MDGA2: variants seen among roughly 807,000 people sequenced by gnomAD.
The protein encoded by MDGA2 is MAM domain-containing glycosylphosphatidylinositol anchor protein 2.
Under a neutral mutation model 117.8 loss-of-function variants are expected in MDGA2, and 40 were observed. The ratio of observed to expected loss-of-function variants is 0.34; its 90% CI spans 0.26 to 0.44. The LOEUF (loss-of-function observed/expected upper bound fraction) is 0.44, where lower values mean the gene tolerates loss of function less well. Among genes scored for constraint, MDGA2 ranks in the 20% least tolerant of loss-of-function variants. MDGA2 has a pLI of 1.00. For synonymous variants in MDGA2, 452 were observed against 439.0 expected, an observed-to-expected ratio of 1.03 and a Z score of -0.37; for missense variants, 1,123 against 1,250.6, an observed-to-expected ratio of 0.90 and a Z score of 1.54.
rs554794511 is a variant in MDGA2 at position 47,107,816 on chromosome 14, C to A, written c.926-10693G>T. Among the ~76,000 whole-genome samples, 35 of 151,144 alleles carry A rather than the reference C, an allele frequency of 2.3e-4. No homozygotes were observed. In the South Asian group the frequency reaches 6.9e-3, roughly 30 times the overall value. Reference sequence around the variant, plus strand: ...TTGACCTTACTGTTTTAGCCTAGCCCTCATGTCTGCGTGCAGTGGCTGCCG... The same window carrying A: ...TTGACCTTACTGTTTTAGCCTAGCCATCATGTCTGCGTGCAGTGGCTGCCG... On this transcript the variant is annotated intron_variant, in intron 5 of 16. Transcript: ENST00000399232.
intron 10 of MDGA2, among the ~76,000 whole-genome samples, chr14:46,904,235 G>A (rs1883401598): frequency 6.6e-6 from 1 of 151,876 alleles, no homozygotes. Context: ...AGCTGGGCCT[G>A]GTGGCATATG....
At chr14:46,968,804 T>C (rs1283444222) in intron 8 of MDGA2, among the ~76,000 whole-genome samples, 10 of 146,750 alleles carry the variant, frequency 6.8e-5, no homozygotes, top group African/African-American at 2.5e-4. Flanking sequence ...GCCACTGCAC[T>C]CCAGCCTAGG....
chr14:47,139,492 C>G (rs184419977), intron 4 of MDGA2, among the ~76,000 whole-genome samples: 113 of 151,982 alleles, frequency 7.4e-4, no homozygotes, highest in Non-Finnish European at 1.3e-3. Flanking sequence ...CTAGTGACCT[C>G]TGTGTCTCTG....
At chr14:47,643,179 T>C (rs1365724218) in intron 1 of MDGA2, among the ~76,000 whole-genome samples, 1 of 152,116 alleles carries the variant, frequency 6.6e-6, no homozygotes, top group East Asian at 1.9e-4. Flanking sequence ...CATAACAGGT[T>C]CTGTAAATCT....
intron 1 of MDGA2, among the ~76,000 whole-genome samples, chr14:47,399,016 A>T (rs943848066): frequency 6.6e-6 from 1 of 152,162 alleles, no homozygotes; most frequent in African/African-American, 2.4e-5. Context: ...CTCTTTCAAC[A>T]AATACTTAGG....
chr14:46,989,908 T>A (rs1480378359), intron 8 of MDGA2, among the ~76,000 whole-genome samples: 1 of 152,140 alleles, frequency 6.6e-6, no homozygotes, highest in Non-Finnish European at 1.5e-5. Flanking sequence ...CTGGTACTAG[T>A]ATCCCAGCAT....
intron 1 of MDGA2, among the ~76,000 whole-genome samples, chr14:47,661,944 G>A (rs1897857755): frequency 6.6e-6 from 1 of 151,848 alleles, no homozygotes; most frequent in Admixed American, 6.6e-5. Context: ...CACATGTTGG[G>A]CAGGCTGGTC....
rs531605116 is a variant in MDGA2 at position 47,341,077 on chromosome 14, C to T, written c.281-39527G>A. 1.5e-4 allele frequency among the ~76,000 whole-genome samples: 23 copies of T among 152,232 alleles called. No individual in the cohort carries two copies. The South Asian group carries it at 4.1e-3, about 27-fold the overall frequency. On this transcript the variant is annotated intron_variant, in intron 1 of 16. Transcript: ENST00000399232. ...ACATTTTAACAGCAGCTTGTTGTTG[C>T]TTTCTATATAAGAAACTGCATTCAG...
chr14:46,971,660 A>G (rs1247281439), intron 8 of MDGA2, among the ~76,000 whole-genome samples: 1 of 152,080 alleles, frequency 6.6e-6, no homozygotes, highest in Non-Finnish European at 1.5e-5. Flanking sequence ...TAGAGAGAGT[A>G]TAGTTAGCAA....
At chr14:47,260,115 G>C (rs1345713293) in intron 2 of MDGA2, among the ~76,000 whole-genome samples, 1 of 151,836 alleles carries the variant, frequency 6.6e-6, no homozygotes, top group Non-Finnish European at 1.5e-5. Context: ...ATTTAGAGGA[G>C]GAGAAAAAGG....
rs1043978991 is a variant in MDGA2, at chr14:46,884,263, C to CA, written c.2239-2043dup. Among the ~76,000 whole-genome samples, 3 of 152,066 alleles carry CA rather than the reference C, an allele frequency of 2.0e-5. No individual in the cohort carries two copies. The highest frequency in any genetic ancestry group is 7.2e-5 in the African/African-American group (3 of 41,424). On this transcript the variant is annotated intron_variant, in intron 10 of 16. Coordinates refer to ENST00000399232, the MANE Select transcript of MDGA2 (RefSeq NM_001113498.3). The surrounding 1 kb of genome is among the most constrained non-coding windows in gnomAD (Gnocchi z 4.1). ...TCAATGGTGCCAAACTATTAAGAAT[C>CA]AAAGTTCAAGTTTGTCTGGGTTGGC...
At chr14:46,950,021 G>A (rs1375120089) in intron 9 of MDGA2, among the ~76,000 whole-genome samples, 3 of 151,716 alleles carry the variant, frequency 2.0e-5, no homozygotes, top group African/African-American at 7.3e-5. Context: ...TCAAACTGCT[G>A]TAAAAATAAT....
chr14:46,989,333 G>A (rs947464), intron 8 of MDGA2, among the ~76,000 whole-genome samples: 73,576 of 134,140 alleles, frequency 0.55, 18,574 homozygotes, highest in East Asian at 0.75. Context: ...AAAAAAAAAA[G>A]GGGGGTATCC....
rs181537323 is a variant in MDGA2 at position 47,587,925 on chromosome 14, T to C, written c.280+86592A>G. On this transcript the variant is annotated intron_variant, in intron 1 of 16. Coordinates refer to ENST00000399232, the MANE Select transcript of MDGA2 (RefSeq NM_001113498.3). ...TCCTTGCACCTCTTATCTACTGTCT[T>C]TTCCTATGAATTTGCCTATTCCAAA... 1.9e-3 allele frequency among the ~76,000 whole-genome samples: 289 copies of C among 152,040 alleles called. 1 individual carries two copies. The highest frequency in any genetic ancestry group is 6.6e-3 in the African/African-American group (274 of 41,540).
rs538282450 is a variant in MDGA2, at chr14:46,866,993, A to C, written c.2752+6440T>G. ...GTGGAAGTCAGTGTGGCGATTCCTCAGGGATCTAGAACTAGAAATACCATT... is the reference window on the plus strand; with the variant it reads ...GTGGAAGTCAGTGTGGCGATTCCTCCGGGATCTAGAACTAGAAATACCATT... On this transcript the variant is annotated intron_variant, in intron 14 of 16. Coordinates refer to ENST00000399232, the MANE Select transcript of MDGA2 (RefSeq NM_001113498.3). Among the ~76,000 whole-genome samples the C allele has an allele frequency of 1.7e-4, 26 of 152,226 alleles. No homozygotes were observed. In the South Asian group the frequency reaches 4.8e-3, roughly 28 times the overall value.
At chr14:47,369,824 A>C (rs1482789334) in intron 1 of MDGA2, among the ~76,000 whole-genome samples, 2 of 152,166 alleles carry the variant, frequency 1.3e-5, no homozygotes, top group Middle Eastern at 3.5e-3. Context: ...TTATATTAAG[A>C]ATATTATCCC....
intron 3 of MDGA2, among the ~76,000 whole-genome samples, chr14:47,172,781 G>A (rs904250188): frequency 5.9e-5 from 9 of 152,286 alleles, no homozygotes; most frequent in South Asian, 2.1e-4. Context: ...CACTAGCAAC[G>A]GAACAAAGCT....
chr14:47,563,578 G>GGT (rs1895857035), intron 1 of MDGA2, among the ~76,000 whole-genome samples: 41 of 56,946 alleles, frequency 7.2e-4, no homozygotes, highest in African/African-American at 3.6e-3. Context: ...GCTTTTTTCT[G>GGT]TTTTTTTTTT....
At chr14:47,591,274 A>G (rs187594035) in intron 1 of MDGA2, among the ~76,000 whole-genome samples, 7 of 152,250 alleles carry the variant, frequency 4.6e-5, no homozygotes, top group Admixed American at 3.9e-4. Context: ...AAAGTTTGGC[A>G]GAAATTCAAA....
Sources: gnomAD v4.1 joint callset for allele counts (sites outside exome capture counted in the v4.1 genomes callset) on GRCh38, gnomAD v4.1.1 for gene constraint, Gnocchi (gnomAD v3.1) non-coding constraint, MANE v1.5 for transcripts, NCBI Gene and HGNC (gene_info 2026-07-23, HGNC 2026-07-21) for gene names.